The following TLN2 variants were observed in gnomAD, a reference collection of about 807,000 sequenced individuals.
The protein encoded by TLN2 is talin-2.
In TLN2, 118 loss-of-function variants were observed where a neutral mutation model predicts 294.7. The observed-to-expected ratio is 0.40, with a 90% CI of 0.34 to 0.47. TLN2 has a LOEUF of 0.47. Among genes scored for constraint, TLN2 ranks in the 20% least tolerant of loss-of-function variants. The pLI, the probability that TLN2 is intolerant of heterozygous loss-of-function variation, is 0.84. For synonymous variants in TLN2, 1,431 were observed against 1,304.5 expected, an observed-to-expected ratio of 1.10 and a Z score of -2.09; for missense variants, 3,083 against 3,282.2, an observed-to-expected ratio of 0.94 and a Z score of 1.48.
At chr15:62,552,855 T>C (rs2042399889) in intron 1 of TLN2, among the ~76,000 whole-genome samples, 1 of 152,218 alleles carries the variant, frequency 6.6e-6, no homozygotes, top group Admixed American at 6.5e-5. Context: ...GTATTTCCCC[T>C]AGGAGCAGAG....
intron 1 of TLN2, among the ~76,000 whole-genome samples, chr15:62,438,525 C>T (rs1292118767): frequency 6.6e-6 from 1 of 152,168 alleles, no homozygotes; most frequent in African/African-American, 2.4e-5. Context: ...TGACCACTTG[C>T]AGCATTTATT....
At chr15:62,680,119 TTTC>T (rs1218557852) in intron 11 of TLN2, among the ~76,000 whole-genome samples, 1 of 152,192 alleles carries the variant, frequency 6.6e-6, no homozygotes, top group Non-Finnish European at 1.5e-5. Flanking sequence ...CCTTAACGTT[TTTC>T]TTCTTTTTCA....
At chr15:62,708,847 A>T (rs754743858) in intron 21 of TLN2, 51 bp downstream of exon 21, 2 of 1,547,598 alleles carry the variant, frequency 1.3e-6, no homozygotes, top group Non-Finnish European at 1.7e-6. Context: ...GATGTTCCTG[A>T]TGGTGGTGCT....
At chr15:62,487,974 A>T (rs545902289) in intron 1 of TLN2, among the ~76,000 whole-genome samples, 4 of 151,732 alleles carry the variant, frequency 2.6e-5, no homozygotes, top group African/African-American at 9.7e-5. Context: ...ACTACTCAGG[A>T]GGCTGAAGTG....
chr15:62,709,128 G>A (rs192952815), intron 21 of TLN2, among the ~76,000 whole-genome samples: 42 of 152,310 alleles, frequency 2.8e-4, no homozygotes, highest in Admixed American at 2.5e-3. Flanking sequence ...CAAGATCAAG[G>A]CTTGGAATTT....
At chr15:62,701,626 C>G (rs545748499) in intron 17 of TLN2, among the ~76,000 whole-genome samples, 5 of 152,326 alleles carry the variant, frequency 3.3e-5, no homozygotes, top group Admixed American at 6.5e-5. Context: ...GGCTCCCAGC[C>G]TTTCACTGTC....
At chr15:62,782,381 C>T (rs780974054) in intron 44 of TLN2, among the ~76,000 whole-genome samples, 5 of 152,170 alleles carry the variant, frequency 3.3e-5, no homozygotes, top group Non-Finnish European at 7.3e-5. Context: ...GATCCTAGTC[C>T]GAGCCAGCAG....
chr15:62,559,582 T>C (rs2042799016), intron 1 of TLN2, among the ~76,000 whole-genome samples: 1 of 152,228 alleles, frequency 6.6e-6, no homozygotes, highest in Non-Finnish European at 1.5e-5. Context: ...ATAGAGGGTT[T>C]GGTCTTCCAC....
At chr15:62,403,926 G>C (rs116620199) in intron 1 of TLN2, among the ~76,000 whole-genome samples, 179 of 152,256 alleles carry the variant, frequency 1.2e-3, no homozygotes, top group African/African-American at 4.1e-3. Flanking sequence ...ACTGCATCTA[G>C]AATATAAGCT....
At chr15:62,451,671 G>A (rs180977517) in intron 1 of TLN2, among the ~76,000 whole-genome samples, 1 of 152,248 alleles carries the variant, frequency 6.6e-6, no homozygotes, top group African/African-American at 2.4e-5. Flanking sequence ...AAGAAAAGAG[G>A]AATTGGCTCC....
intron 29 of TLN2, among the ~76,000 whole-genome samples, chr15:62,737,411 C>G (rs571300495): frequency 6.6e-6 from 1 of 152,160 alleles, no homozygotes; most frequent in African/African-American, 2.4e-5. Context: ...TATTGCTGTT[C>G]CTTGCCAGGG....
intron 2 of TLN2, among the ~76,000 whole-genome samples, chr15:62,617,962 CTT>C (rs768055599): frequency 1.4e-3 from 196 of 136,080 alleles, no homozygotes; most frequent in East Asian, 7.1e-3. Context: ...TCAGGCAATT[CTT>C]TTTTTTTTTT....
intron 1 of TLN2, among the ~76,000 whole-genome samples, chr15:62,553,422 T>C (rs922292220): frequency 5.9e-5 from 9 of 151,626 alleles, no homozygotes; most frequent in Non-Finnish European, 1.3e-4. Context: ...GAGGCGGAGG[T>C]TGCGGCGAGC....
At chr15:62,410,328 T>C (rs2140252255) in intron 1 of TLN2, among the ~76,000 whole-genome samples, 1 of 152,310 alleles carries the variant, frequency 6.6e-6, no homozygotes, top group South Asian at 2.1e-4. Flanking sequence ...ATATAATGTA[T>C]TCTTGAAAAG....
intron 1 of TLN2, among the ~76,000 whole-genome samples, chr15:62,448,196 G>A (rs1445777102): frequency 2.6e-5 from 4 of 152,186 alleles, no homozygotes; most frequent in Non-Finnish European, 1.5e-5. Context: ...AGTTGTCCTG[G>A]GGAAGGCTTG....
At chr15:62,743,458 C>T (rs953436474) in intron 32 of TLN2, among the ~76,000 whole-genome samples, 15 of 152,158 alleles carry the variant, frequency 9.9e-5, no homozygotes, top group African/African-American at 3.4e-4. Context: ...ATTCTGCTTC[C>T]GAGCCTGGGT....
At chr15:62,684,306 G>A (rs572625402) in intron 11 of TLN2, among the ~76,000 whole-genome samples, 76 of 152,286 alleles carry the variant, frequency 5.0e-4, no homozygotes, top group Non-Finnish European at 6.0e-4. Flanking sequence ...CCCTTCCTGG[G>A]TCCCAGAAGC....
At chr15:62,598,637 T>C (rs1016436394) in intron 2 of TLN2, among the ~76,000 whole-genome samples, 1 of 151,954 alleles carries the variant, frequency 6.6e-6, no homozygotes, top group Non-Finnish European at 1.5e-5. Flanking sequence ...GTAAGTCAAG[T>C]ACATTTGATT....
intron 28 of TLN2, among the ~76,000 whole-genome samples, chr15:62,731,201 A>G (rs912551670): frequency 6.6e-6 from 1 of 151,408 alleles, no homozygotes; most frequent in Non-Finnish European, 1.5e-5. Context: ...AATTTCTTCA[A>G]CATATTTATC....
Sources: allele counts gnomAD v4.1 joint callset (sites outside exome capture counted in the v4.1 genomes callset), GRCh38; gene constraint gnomAD v4.1.1; transcripts MANE v1.5; gene names NCBI Gene and HGNC (gene_info 2026-07-23, HGNC 2026-07-21).